Variants in STXBP5 observed in about 807,000 individuals in gnomAD.
The protein encoded by STXBP5 is syntaxin-binding protein 5.
In STXBP5, 50 loss-of-function variants were observed where a neutral mutation model predicts 152.4. The observed-to-expected ratio is 0.33, with a 90% confidence interval of 0.26 to 0.42. The LOEUF (loss-of-function observed/expected upper bound fraction) is 0.42. Among genes scored for constraint, STXBP5 ranks in the 10% least tolerant of loss-of-function variants. The pLI, the probability that STXBP5 is intolerant of heterozygous loss-of-function variation, is 1.00. For synonymous variants in STXBP5, 492 were observed against 494.7 expected (o/e 0.99, Z 0.07); for missense variants, 1,167 against 1,388.6 (o/e 0.84, Z 2.54).
At chr6:147,367,910 C>T (rs1785367425) in intron 25 of STXBP5, among the ~76,000 whole-genome samples, 1 of 151,588 alleles carries the variant, frequency 6.6e-6, no homozygotes, top group African/African-American at 2.4e-5. Flanking sequence ...ATATTCAAAA[C>T]CTTAGATGAA....
chr6:147,355,333 G>A (rs1039387961), intron 22 of STXBP5, among the ~76,000 whole-genome samples: 3 of 152,110 alleles, frequency 2.0e-5, no homozygotes, highest in Non-Finnish European at 4.4e-5. Context: ...TCTGTGGGGA[G>A]GAGAAAGTGA....
At chr6:147,210,772 A>G (rs1295413364) in intron 2 of STXBP5, among the ~76,000 whole-genome samples, 1 of 152,174 alleles carries the variant, frequency 6.6e-6, no homozygotes, top group Non-Finnish European at 1.5e-5. Flanking sequence ...GTGTGTGTGT[A>G]GCTTTTACGA....
At chr6:147,232,203 G>C (rs976469152) in intron 2 of STXBP5, among the ~76,000 whole-genome samples, 1 of 151,762 alleles carries the variant, frequency 6.6e-6, no homozygotes, top group East Asian at 1.9e-4. Context: ...GAAAATAGAG[G>C]TCTTCAAGTC....
intron 21 of STXBP5, among the ~76,000 whole-genome samples, chr6:147,350,934 GTAGT>G (rs1295236417): frequency 5.9e-5 from 9 of 152,172 alleles, no homozygotes; most frequent in African/African-American, 1.7e-4. Context: ...TACACATGTA[GTAGT>G]TAGTTAAAGT....
At chr6:147,259,299 G>GA (rs1394711493) in intron 4 of STXBP5, among the ~76,000 whole-genome samples, 1 of 151,840 alleles carries the variant, frequency 6.6e-6, no homozygotes, top group Non-Finnish European at 1.5e-5. Context: ...GTTGACTGAG[G>GA]AAAAAAAATC....
At chr6:147,366,163 A>T (rs1051231827) in intron 25 of STXBP5, among the ~76,000 whole-genome samples, 3 of 152,254 alleles carry the variant, frequency 2.0e-5, no homozygotes, top group Non-Finnish European at 4.4e-5. Flanking sequence ...GAAAAGAGCT[A>T]CAAAGAGAAA....
At chr6:147,295,361 G>A (rs1395078267) in intron 9 of STXBP5, among the ~76,000 whole-genome samples, 6 of 152,172 alleles carry the variant, frequency 3.9e-5, no homozygotes, top group Admixed American at 6.5e-5. Flanking sequence ...TTTGGGAAAA[G>A]CATCTCTTTA....
At chr6:147,235,394 G>T in intron 3 of STXBP5, 63 bp downstream of exon 3, 1 of 1,303,612 alleles carries the variant, frequency 7.7e-7, no homozygotes, top group Non-Finnish European at 1.1e-6. Context: ...TAGTCTTTCA[G>T]ATTTCTTACA....
intron 26 of STXBP5, among the ~76,000 whole-genome samples, chr6:147,379,876 A>G (rs1259965558): frequency 6.6e-6 from 1 of 152,160 alleles, no homozygotes; most frequent in Non-Finnish European, 1.5e-5. Flanking sequence ...AATTAAGAAA[A>G]GTTTCATTTA....
Position 147,205,897 on chromosome 6 carries a change from C to T in STXBP5, c.151-74C>T, listed in dbSNP as rs906221315. The T allele has an allele frequency of 2.6e-4, 293 of 1,106,758 alleles. 4 individuals are homozygous for T. Among genetic ancestry groups the T allele is most frequent in the African/African-American group, 6.2e-5 (4 of 64,420 alleles). 68.6% of individuals were successfully genotyped at this position (1,106,758 alleles called of 1,614,324 possible). ...CAGTGGTAGTGGTTCTAAATTCTAA[C>T]GCCTCTATTGACTTTCTATTTTAAA... On this transcript the variant is annotated intron_variant, in intron 1 of 27. Transcript: ENST00000321680.
chr6:147,352,342 AG>A (rs1784624464), intron 21 of STXBP5, among the ~76,000 whole-genome samples: 1 of 152,260 alleles, frequency 6.6e-6, no homozygotes, highest in African/African-American at 2.4e-5. Flanking sequence ...GAAATTAAAA[AG>A]TAATGAACCC....
intron 6 of STXBP5, among the ~76,000 whole-genome samples, chr6:147,264,589 T>C (rs1054989651): frequency 2.6e-5 from 4 of 152,070 alleles, no homozygotes; most frequent in African/African-American, 9.7e-5. Flanking sequence ...GTTATATACG[T>C]TGTAGAGAAA....
intron 2 of STXBP5, among the ~76,000 whole-genome samples, chr6:147,223,578 TC>T (rs1336844296): frequency 6.6e-6 from 1 of 152,198 alleles, no homozygotes; most frequent in Non-Finnish European, 1.5e-5. Flanking sequence ...TATACTTATG[TC>T]CACAAGGTTT....
intron 26 of STXBP5, among the ~76,000 whole-genome samples, chr6:147,375,251 AAAT>A (rs1043584274): frequency 6.6e-6 from 1 of 152,184 alleles, no homozygotes; most frequent in African/African-American, 2.4e-5. Flanking sequence ...ACAGACTACA[AAAT>A]AATTATCATA....
chr6:147,210,154 T>C, intron 2 of STXBP5, among the ~76,000 whole-genome samples: 1 of 152,070 alleles, frequency 6.6e-6, no homozygotes, highest in East Asian at 1.9e-4. Context: ...AGAATGGGAA[T>C]TGGAGAAGGG....
intron 17 of STXBP5, among the ~76,000 whole-genome samples, chr6:147,325,285 C>T (rs1238287834): frequency 6.6e-6 from 1 of 152,010 alleles, no homozygotes; most frequent in Non-Finnish European, 1.5e-5. Flanking sequence ...TGCAGTATTT[C>T]CTGATGTAAA....
At chr6:147,306,563 A>G (rs189166449) in intron 9 of STXBP5, among the ~76,000 whole-genome samples, 65 of 152,314 alleles carry the variant, frequency 4.3e-4, no homozygotes, top group African/African-American at 1.5e-3. Flanking sequence ...TAGAGATCCT[A>G]ATGGAGTAAA....
At chr6:147,211,048 C>T (rs759527409) in intron 2 of STXBP5, among the ~76,000 whole-genome samples, 4 of 152,152 alleles carry the variant, frequency 2.6e-5, no homozygotes, top group African/African-American at 9.7e-5. Context: ...CACAGAGGCT[C>T]ACGCCTGTAA....
intron 8 of STXBP5, among the ~76,000 whole-genome samples, chr6:147,285,248 T>C (rs914243897): frequency 1.3e-5 from 2 of 152,206 alleles, no homozygotes; most frequent in African/African-American, 2.4e-5. Flanking sequence ...TTTTTGTTCC[T>C]CTGGTGGCAT....
Sources: allele counts gnomAD v4.1 joint callset (sites outside exome capture counted in the v4.1 genomes callset), GRCh38; gene constraint gnomAD v4.1.1; transcripts MANE v1.5; gene names NCBI Gene and HGNC (gene_info 2026-07-23, HGNC 2026-07-21).